The following IFT88 variants were observed in gnomAD, a reference collection of about 807,000 sequenced individuals.
IFT88 encodes intraflagellar transport protein 88 homolog.
A neutral mutation model predicts 119.5 loss-of-function variants in IFT88; 74 were observed. The ratio of observed to expected loss-of-function variants is 0.62; its 90% CI spans 0.51 to 0.75. The LOEUF (loss-of-function observed/expected upper bound fraction) is 0.75. Ranked by LOEUF, IFT88 falls within the 30% of genes least tolerant of loss-of-function variation. The pLI is 0.00. For synonymous variants in IFT88, 279 were observed against 316.7 expected, an observed-to-expected ratio of 0.88 and a Z score of 1.26; for missense variants, 961 against 977.7, an observed-to-expected ratio of 0.98 and a Z score of 0.23.
intron 17 of IFT88, among the ~76,000 whole-genome samples, chr13:20,640,552 G>A (rs561232953): frequency 3.8e-4 from 57 of 150,568 alleles, no homozygotes; most frequent in African/African-American, 1.3e-3. Context: ...CAGCCTGGGC[G>A]ACAGAGCGAC....
intron 1 of IFT88, among the ~76,000 whole-genome samples, chr13:20,571,536 T>C (rs2036366273): frequency 6.6e-6 from 1 of 152,214 alleles, no homozygotes; most frequent in Non-Finnish European, 1.5e-5. Flanking sequence ...TATATCTATA[T>C]GGTAATTTCA....
At chr13:20,587,840 G>GTA (rs1358019691) in intron 3 of IFT88, among the ~76,000 whole-genome samples, 1 of 151,568 alleles carries the variant, frequency 6.6e-6, no homozygotes, top group Non-Finnish European at 1.5e-5. Context: ...CAACTTTTCC[G>GTA]TATCAATTTA....
At chr13:20,618,086 A>G (rs989333995) in intron 14 of IFT88, among the ~76,000 whole-genome samples, 2 of 151,816 alleles carry the variant, frequency 1.3e-5, no homozygotes, top group Admixed American at 6.6e-5. Context: ...AGCCCAGCTA[A>G]TTTTTTTGTA....
chr13:20,611,707 C>T (rs965019710), intron 13 of IFT88, among the ~76,000 whole-genome samples: 8 of 151,922 alleles, frequency 5.3e-5, no homozygotes, highest in African/African-American at 1.4e-4. Context: ...TGGGTTCGAG[C>T]GATTCCCCTG....
chr13:20,645,277 A>G (rs1413086472), intron 20 of IFT88, among the ~76,000 whole-genome samples: 2 of 152,090 alleles, frequency 1.3e-5, no homozygotes, highest in Non-Finnish European at 2.9e-5. Context: ...TTAAGTAAAG[A>G]CAGGGTTACA....
chr13:20,686,108 C>A lies in IFT88; in HGVS notation c.2243-4597C>A, dbSNP rs370180883. On this transcript the variant is annotated intron_variant, in intron 24 of 25. Coordinates refer to ENST00000351808, the MANE Select transcript of IFT88 (RefSeq NM_006531.5). ...TCCCCACTGTGGTGAGATCCCACAT[C>A]GAGCTTCCTTGGCTGATCTTTAAGG... 4.6e-5 allele frequency among the ~76,000 whole-genome samples: 7 copies of A among 152,262 alleles called. No individual in the cohort carries two copies. The East Asian group carries it at 5.8e-4, about 13-fold the overall frequency.
chr13:20,652,443 C>T (rs1409315190), intron 20 of IFT88, among the ~76,000 whole-genome samples: 1 of 151,760 alleles, frequency 6.6e-6, no homozygotes, highest in Non-Finnish European at 1.5e-5. Flanking sequence ...TTGAAACTAG[C>T]CTGGGCAACA....
intron 20 of IFT88, among the ~76,000 whole-genome samples, 171 bp from the exon 21 acceptor site, chr13:20,653,705 T>C (rs756377262): frequency 7.2e-5 from 11 of 152,200 alleles, no homozygotes; most frequent in Non-Finnish European, 1.5e-4. Context: ...TGTCCTGATA[T>C]AAATATGACA....
At chr13:20,670,057 C>G (rs1207653922) in intron 23 of IFT88, among the ~76,000 whole-genome samples, 2 of 152,066 alleles carry the variant, frequency 1.3e-5, no homozygotes, top group East Asian at 1.9e-4. Context: ...TTATCCATGA[C>G]CTGACAATTT....
At chr13:20,651,585 A>G (rs762212598) in intron 20 of IFT88, among the ~76,000 whole-genome samples, 27 of 151,752 alleles carry the variant, frequency 1.8e-4, no homozygotes, top group Non-Finnish European at 2.7e-4. Flanking sequence ...CCACCTTTAT[A>G]CAATGTTTTG....
chr13:20,671,040 G>GT lies in IFT88; in HGVS notation c.2242+2dup, dbSNP rs775793904. 3.7e-6 allele frequency: 6 copies of GT among 1,613,244 alleles called. No individual in the cohort carries two copies. The highest frequency in any genetic ancestry group is 2.2e-5 in the East Asian group (1 of 44,856). ...AAAAGAGAAGGAAGTGCTAGCGGTG[G>GT]TAAGTATTTTCTCTTTCCCTGAAAA... On this transcript the variant is annotated splice_donor_variant, in intron 24 of 25. Coordinates refer to ENST00000351808, the MANE Select transcript of IFT88 (RefSeq NM_006531.5). LOFTEE classifies it high-confidence loss of function.
intron 2 of IFT88, 79 bp downstream of exon 2, chr13:20,574,554 C>T (rs2037005931): frequency 3.0e-6 from 2 of 662,378 alleles, no homozygotes; most frequent in Non-Finnish European, 5.2e-6. Flanking sequence ...GAGAGTTCTA[C>T]TTTATTATGC....
intron 24 of IFT88, among the ~76,000 whole-genome samples, chr13:20,681,828 C>T (rs557875663): frequency 7.7e-4 from 118 of 152,348 alleles, no homozygotes; most frequent in African/African-American, 2.8e-3. Flanking sequence ...ATTACAGCTA[C>T]AAGCTCCGCT....
At chr13:20,631,321 A>G in intron 16 of IFT88, 1 of 495,342 alleles carries the variant, frequency 2.0e-6, no homozygotes, top group South Asian at 2.8e-5. Context: ...GGAGGAAGAA[A>G]AATTGTAGTG....
intron 7 of IFT88, among the ~76,000 whole-genome samples, chr13:20,594,370 T>C (rs931354976): frequency 2.6e-5 from 4 of 152,196 alleles, no homozygotes; most frequent in African/African-American, 4.8e-5. Flanking sequence ...GAAGCAGATA[T>C]GCCTTCATTT....
chr13:20,688,150 AC>A (rs2058143330), intron 24 of IFT88, among the ~76,000 whole-genome samples: 1 of 152,248 alleles, frequency 6.6e-6, no homozygotes, highest in East Asian at 1.9e-4. Context: ...AGCCTGGCAA[AC>A]AAGGTGAAAC....
intron 13 of IFT88, among the ~76,000 whole-genome samples, chr13:20,614,817 C>CTTTTTTTTTTTTTTTTT (rs762297940): frequency 4.0e-5 from 5 of 125,846 alleles, no homozygotes; most frequent in South Asian, 2.6e-4. Context: ...TATTTCTTTT[C>CTTTTTTTTTTTTTTTTT]TTTTTTTTTT....
rs149146822 is a variant in IFT88, at chr13:20,615,247, A to G, written c.1113-546A>G. Among the ~76,000 whole-genome samples, 467 of 152,310 alleles carry G rather than the reference A, an allele frequency of 3.1e-3. 1 individual carries two copies. Among genetic ancestry groups the G allele is most frequent in the African/African-American group, 0.011 (454 of 41,570 alleles). On this transcript the variant is annotated intron_variant, in intron 13 of 25. Transcript: ENST00000351808. ...AGAAGAAATGACTAAGAGAACTTTTACCCACCACTATAAATTGGTATATCC... is the reference window on the plus strand; with the variant it reads ...AGAAGAAATGACTAAGAGAACTTTTGCCCACCACTATAAATTGGTATATCC...
At chr13:20,646,464 G>A (rs1211747636) in intron 20 of IFT88, among the ~76,000 whole-genome samples, 1 of 80,570 alleles carries the variant, frequency 1.2e-5, no homozygotes, top group Non-Finnish European at 2.6e-5. Context: ...CACTGCACCC[G>A]GCTAATTTTT....
Sources: gnomAD v4.1 joint callset for allele counts (sites outside exome capture counted in the v4.1 genomes callset) on GRCh38, gnomAD v4.1.1 for gene constraint, MANE v1.5 for transcripts, NCBI Gene and HGNC (gene_info 2026-07-23, HGNC 2026-07-21) for gene names.